The following TCEA3 variants were observed in gnomAD, a reference collection of about 807,000 sequenced individuals.
TCEA3 encodes transcription elongation factor A protein 3.
Under a neutral mutation model 44.0 loss-of-function variants are expected in TCEA3, and 36 were observed. The ratio of observed to expected loss-of-function variants is 0.82; its 90% CI spans 0.63 to 1.08. The LOEUF (loss-of-function observed/expected upper bound fraction) is 1.08. Ranked by LOEUF, TCEA3 falls within the 50% of genes least tolerant of loss-of-function variation. The probability of loss-of-function intolerance (pLI) is 0.00; values close to 1 mark genes in which losing one functional copy is unlikely to be tolerated. For missense variants in TCEA3, 392 were observed against 441.2 expected (o/e 0.89, Z 1.00); for synonymous variants, 162 against 159.7 (o/e 1.01, Z -0.11).
intron 10 of TCEA3, among the ~76,000 whole-genome samples, chr1:23,383,148 C>T (rs891812013): frequency 6.6e-5 from 10 of 152,010 alleles, no homozygotes; most frequent in African/African-American, 2.2e-4. Context: ...GGTGTGGTGG[C>T]CGGCGCCTTT....
At chr1:23,397,026 A>AG (rs201889669) in intron 7 of TCEA3, among the ~76,000 whole-genome samples, 2 of 148,200 alleles carry the variant, frequency 1.3e-5, no homozygotes, top group Non-Finnish European at 3.0e-5. Context: ...AAAAAAAAAA[A>AG]AGGGCGCTGT....
At chr1:23,402,443 C>T (rs887075813) in intron 5 of TCEA3, among the ~76,000 whole-genome samples, 4 of 152,212 alleles carry the variant, frequency 2.6e-5, no homozygotes, top group Admixed American at 1.3e-4. Flanking sequence ...CCATGCTCTC[C>T]GCATGGTTTA....
chr1:23,385,426 G>A (rs1178127914), intron 9 of TCEA3, among the ~76,000 whole-genome samples: 1 of 152,252 alleles, frequency 6.6e-6, no homozygotes, highest in African/African-American at 2.4e-5. Flanking sequence ...CTAGAAAGAA[G>A]TGAGGCACAG....
intron 4 of TCEA3, among the ~76,000 whole-genome samples, chr1:23,414,097 T>C (rs1331553835): frequency 6.6e-6 from 1 of 151,784 alleles, no homozygotes; most frequent in Admixed American, 6.6e-5. Flanking sequence ...TATTTTATTT[T>C]ATTTTTTGAG....
intron 5 of TCEA3, chr1:23,403,971 G>A (rs1639469962): frequency 1.6e-6 from 1 of 622,586 alleles, no homozygotes; most frequent in Non-Finnish European, 2.9e-6. Flanking sequence ...CTGCAGAGAG[G>A]GCATCATCGG....
At chr1:23,408,897 A>G (rs1212693294) in intron 4 of TCEA3, among the ~76,000 whole-genome samples, 171 bp from the exon 5 acceptor site, 1 of 152,156 alleles carries the variant, frequency 6.6e-6, no homozygotes, top group East Asian at 1.9e-4. Context: ...GCTGGTCATG[A>G]CCTTCACCTA....
At chr1:23,406,397 G>A (rs1039203344) in intron 5 of TCEA3, among the ~76,000 whole-genome samples, 9 of 151,996 alleles carry the variant, frequency 5.9e-5, no homozygotes, top group Non-Finnish European at 1.0e-4. Context: ...TCCCACCAAG[G>A]TGCCCCAAAA....
intron 4 of TCEA3, among the ~76,000 whole-genome samples, chr1:23,412,609 G>A (rs1011828068): frequency 1.3e-5 from 2 of 151,978 alleles, no homozygotes; most frequent in Non-Finnish European, 2.9e-5. Flanking sequence ...TCGGGAGGCT[G>A]AGGCAGAAGA....
At chr1:23,408,235 T>C (rs933770973) in intron 5 of TCEA3, among the ~76,000 whole-genome samples, 11 of 152,136 alleles carry the variant, frequency 7.2e-5, no homozygotes, top group African/African-American at 2.7e-4. Flanking sequence ...GTGCTGGGAT[T>C]ACAGGCATGA....
chr1:23,392,276 C>T (rs962173117), intron 8 of TCEA3, among the ~76,000 whole-genome samples: 1 of 150,386 alleles, frequency 6.6e-6, no homozygotes, highest in Non-Finnish European at 1.5e-5. Context: ...GCCACACATA[C>T]ACAAACCACA....
At chr1:23,384,224 C>T in intron 10 of TCEA3, 122 bp downstream of exon 10, 5 of 1,576,236 alleles carry the variant, frequency 3.2e-6, no homozygotes, top group East Asian at 2.3e-5. Flanking sequence ...TGCAGACCTA[C>T]TCTGTGCAGG....
At chr1:23,417,670 G>A (rs1189457124) in intron 3 of TCEA3, among the ~76,000 whole-genome samples, 1 of 152,344 alleles carries the variant, frequency 6.6e-6, no homozygotes, top group Non-Finnish European at 1.5e-5. Flanking sequence ...AAATGCATGA[G>A]AGCACAAACA....
intron 4 of TCEA3, 132 bp downstream of exon 4, chr1:23,417,117 G>GTGC (rs1285663169): frequency 2.3e-5 from 26 of 1,124,978 alleles, no homozygotes; most frequent in Non-Finnish European, 8.7e-6. Flanking sequence ...CCCCCAGAGG[G>GTGC]GGCACTGCAG....
At chr1:23,402,044 T>C (rs1639411095) in intron 5 of TCEA3, among the ~76,000 whole-genome samples, 1 of 152,162 alleles carries the variant, frequency 6.6e-6, no homozygotes, top group South Asian at 2.1e-4. Flanking sequence ...ATTTTTAGCA[T>C]AAAGTAAAAC....
chr1:23,399,020 G>A (rs981338091), intron 5 of TCEA3, among the ~76,000 whole-genome samples: 1 of 151,056 alleles, frequency 6.6e-6, no homozygotes, highest in African/African-American at 2.4e-5. Flanking sequence ...CATCTGCCTT[G>A]GCCTCCCAAA....
chr1:23,393,894 G>A lies in TCEA3; in HGVS notation c.804C>T (p.Ala268=), dbSNP rs370761056. ...CTGCTCTCACCTCTGCCGTCATCTT[G>A]GCTATAAGCCCTGCGGAGATGGCCC... ...LSGAISAGLI[A]KMTAEEMASD... is the part of the protein sequence containing the mutation. The change falls in exon 8 of 11, where the codon GCC becomes GCT. Residue 268 remains alanine (A), a synonymous_variant. Transcript: ENST00000450454. 1 of 1,613,648 alleles carries A rather than the reference G, an allele frequency of 6.2e-7. No homozygotes were observed. Among genetic ancestry groups the A allele is most frequent in the Non-Finnish European group, 8.5e-7 (1 of 1,179,892 alleles).
chr1:23,424,355 T>C (rs1640154865), intron 1 of TCEA3, among the ~76,000 whole-genome samples: 1 of 151,796 alleles, frequency 6.6e-6, no homozygotes, highest in African/African-American at 2.4e-5. Flanking sequence ...ACGATCCCCC[T>C]GGCGTCCTGG....
At chr1:23,408,810 A>AC in intron 4 of TCEA3, 84 bp from the exon 5 acceptor site, 1 of 1,361,034 alleles carries the variant, frequency 7.3e-7, no homozygotes, top group Non-Finnish European at 1.0e-6. Flanking sequence ...CATCCTGGGA[A>AC]AAGGCCAGCT....
chr1:23,420,757 C>A (rs796570217), intron 1 of TCEA3, among the ~76,000 whole-genome samples: 1 of 152,138 alleles, frequency 6.6e-6, no homozygotes, highest in Non-Finnish European at 1.5e-5. Flanking sequence ...TGAACTTGTG[C>A]AGAACTAAAG....
Sources: allele counts gnomAD v4.1 joint callset (sites outside exome capture counted in the v4.1 genomes callset), GRCh38; gene constraint gnomAD v4.1.1; transcripts MANE v1.5; gene names NCBI Gene and HGNC (gene_info 2026-07-23, HGNC 2026-07-21).